Variants in CDC20B observed in about 807,000 individuals in gnomAD.
CDC20B encodes the protein cell division cycle 20B.
Under a neutral mutation model 64.1 loss-of-function variants are expected in CDC20B, and 58 were observed. The ratio of observed to expected loss-of-function variants is 0.90; its 90% CI spans 0.73 to 1.13. The LOEUF (loss-of-function observed/expected upper bound fraction) is 1.13, where lower values mean the gene tolerates loss of function less well. Ranked by LOEUF, CDC20B falls within the 50% of genes most tolerant of loss-of-function variation. CDC20B has a pLI of 0.00. For synonymous variants in CDC20B, 243 were observed against 230.6 expected (o/e 1.05, Z -0.49); for missense variants, 597 against 633.0 (o/e 0.94, Z 0.61).
At chr5:55,163,641 G>A (rs1744211847) in intron 2 of CDC20B, among the ~76,000 whole-genome samples, 1 of 151,402 alleles carries the variant, frequency 6.6e-6, no homozygotes, top group African/African-American at 2.4e-5. Flanking sequence ...CGAGTAGCTG[G>A]GATTACAGGT....
At chr5:55,140,489 C>T (rs1185763129) in intron 4 of CDC20B, 82 bp from the exon 5 acceptor site, 3 of 874,252 alleles carry the variant, frequency 3.4e-6, no homozygotes, top group African/African-American at 3.5e-5. Flanking sequence ...TATAGAATTA[C>T]AACTGGTAAT....
At chr5:55,168,886 G>C (rs1158730122) in intron 2 of CDC20B, among the ~76,000 whole-genome samples, 1 of 152,004 alleles carries the variant, frequency 6.6e-6, no homozygotes, top group Non-Finnish European at 1.5e-5. Flanking sequence ...TTCACTATTT[G>C]GGTGATAGGT....
At chr5:55,145,573 G>A (rs547121407) in intron 3 of CDC20B, among the ~76,000 whole-genome samples, 26 of 152,182 alleles carry the variant, frequency 1.7e-4, no homozygotes, top group African/African-American at 5.3e-4. Flanking sequence ...TTTGTGTTTC[G>A]GGGCTCTGGC....
Position 55,127,344 on chromosome 5 carries a change from T to G in CDC20B, c.902A>C (p.Asp301Ala). 4 of 1,613,720 alleles carry G rather than the reference T, an allele frequency of 2.5e-6. No individual in the cohort carries two copies. The highest frequency in any genetic ancestry group is 3.4e-6 in the Non-Finnish European group (4 of 1,179,636). ...TCTCAGCCGCTTTTTAGTTACCACA[T>G]CCCATAACTGAAAAAATGAACAAGG... The part of the protein sequence containing the change: ...GTSEGEVQLW[D>A]VVTKKRLRNM... The change falls in exon 8 of 12, where the codon GAT becomes GCT. Residue 301 changes from aspartate (D) to alanine (A), a missense_variant. Coordinates refer to ENST00000381375, the MANE Select transcript of CDC20B (RefSeq NM_001170402.1).
intron 2 of CDC20B, among the ~76,000 whole-genome samples, chr5:55,162,951 C>T (rs562548314): frequency 6.6e-6 from 1 of 152,286 alleles, no homozygotes; most frequent in South Asian, 2.1e-4. Context: ...CTCAACCACT[C>T]ATTAGCCACG....
chr5:55,120,057 C>T, intron 10 of CDC20B, 139 bp from the exon 11 acceptor site: 1 of 664,566 alleles, frequency 1.5e-6, no homozygotes, highest in South Asian at 1.9e-5. Flanking sequence ...GAAATTACAA[C>T]CATTCTAGGA....
At position 55,171,797 on chromosome 5, in the gene CDC20B, G is replaced by T. The variant is rs138334673; in HGVS notation, c.126+791C>A. ...TTTGCAGTTTTTTTATAAAGACAAG[G>T]TCTCCCTGTGTTGTCCAGGCTGGTC... On this transcript the variant is annotated intron_variant, in intron 2 of 11. Transcript: ENST00000381375. Among the ~76,000 whole-genome samples the T allele has an allele frequency of 1.2e-4, 19 of 152,160 alleles. No homozygotes were observed. In the East Asian group the frequency reaches 3.3e-3, roughly 26 times the overall value.
At chr5:55,119,529 G>A (rs1742706018) in intron 11 of CDC20B, among the ~76,000 whole-genome samples, 1 of 152,054 alleles carries the variant, frequency 6.6e-6, no homozygotes, top group African/African-American at 2.4e-5. Context: ...ATGCTAACTC[G>A]AGTTCAAAAA....
chr5:55,117,220 T>C (rs1417091069), intron 11 of CDC20B, among the ~76,000 whole-genome samples: 3 of 152,150 alleles, frequency 2.0e-5, no homozygotes, highest in Non-Finnish European at 4.4e-5. Flanking sequence ...CTTTCTTCTG[T>C]AGTCAGGTGG....
At chr5:55,160,048 C>A in intron 2 of CDC20B, 1 of 609,588 alleles carries the variant, frequency 1.6e-6, no homozygotes, top group Non-Finnish European at 2.9e-6. Flanking sequence ...GCTTCATTTC[C>A]CCTCTGAGAA....
intron 2 of CDC20B, among the ~76,000 whole-genome samples, chr5:55,170,976 C>T (rs1251351602): frequency 6.6e-6 from 1 of 152,102 alleles, no homozygotes; most frequent in Non-Finnish European, 1.5e-5. Context: ...AAATTAAATG[C>T]TTGGATAAAA....
intron 5 of CDC20B, chr5:55,137,456 G>C: frequency 4.6e-6 from 2 of 438,322 alleles, no homozygotes; most frequent in Admixed American, 4.8e-5. Context: ...GATAACATTT[G>C]TCCCCGTGAT....
chr5:55,124,851 A>C lies in CDC20B; in HGVS notation c.1167T>G (p.Ser389Arg). The change falls in exon 9 of 12, where the codon AGT (serine) becomes AGG (arginine). Residue 389 changes from serine (S) to arginine (R), a missense_variant. By Grantham distance (110) the Ser-to-Arg change is moderately radical. Transcript: ENST00000381375. Reference protein sequence around the residue: ...LTIWPHDPGASAQGQPLKVIT... With the variant: ...LTIWPHDPGARAQGQPLKVIT... ...TGACTTTCAGCGGTTGGCCCTGTGC[A>C]CTGGCACCTGGATCGTGGGGCCATA... 6.2e-7 allele frequency: 1 copy of C among 1,614,202 alleles called. No individual in the cohort carries two copies. The highest frequency in any genetic ancestry group is 8.5e-7 in the Non-Finnish European group (1 of 1,180,010).
chr5:55,134,489 A>G (rs1329505413), intron 5 of CDC20B, among the ~76,000 whole-genome samples: 2 of 152,206 alleles, frequency 1.3e-5, no homozygotes, highest in Non-Finnish European at 2.9e-5. Flanking sequence ...GGGGCTGGGC[A>G]CGGTGGCTCA....
At chr5:55,150,401 C>T (rs992286876) in intron 2 of CDC20B, among the ~76,000 whole-genome samples, 3 of 152,134 alleles carry the variant, frequency 2.0e-5, no homozygotes, top group Non-Finnish European at 4.4e-5. Flanking sequence ...TTTTACTAAG[C>T]GTGTGTGAGG....
rs1277797763 is a variant in CDC20B at position 55,113,787 on chromosome 5, G to A, written c.*431C>T. 6.3e-6 allele frequency: 1 copy of A among 158,658 alleles called. No homozygotes were observed. The highest frequency in any genetic ancestry group is 1.4e-5 in the Non-Finnish European group (1 of 72,284). The allele number at this position is 158,658 out of a possible 1,614,324, so 9.8% of individuals were successfully genotyped here. On this transcript the variant is annotated 3_prime_UTR_variant, in exon 12 of 12. Coordinates refer to ENST00000381375, the MANE Select transcript of CDC20B (RefSeq NM_001170402.1). Reference sequence around the variant, plus strand: ...AGTGTTTTTCAAGTGAATGAGTTGTGTTTTCAATGTGTTGAGATTGAGCTA... The same window carrying A: ...AGTGTTTTTCAAGTGAATGAGTTGTATTTTCAATGTGTTGAGATTGAGCTA...
intron 2 of CDC20B, among the ~76,000 whole-genome samples, chr5:55,158,836 C>T (rs1388295704): frequency 6.6e-6 from 1 of 152,130 alleles, no homozygotes; most frequent in East Asian, 1.9e-4. Context: ...AGTTAGGCCC[C>T]CTGTGCCAGG....
At chr5:55,167,465 G>A (rs928507016) in intron 2 of CDC20B, among the ~76,000 whole-genome samples, 11 of 152,270 alleles carry the variant, frequency 7.2e-5, no homozygotes, top group African/African-American at 2.6e-4. Context: ...GAGGAATCCT[G>A]ACATACAGCA....
intron 2 of CDC20B, chr5:55,164,013 G>T (rs1052468662): frequency 1.4e-6 from 2 of 1,410,560 alleles, no homozygotes; most frequent in South Asian, 1.5e-5. Context: ...TCTTGACAAA[G>T]AATAAAATTA....
Sources: allele counts gnomAD v4.1 joint callset (sites outside exome capture counted in the v4.1 genomes callset), GRCh38; gene constraint gnomAD v4.1.1; transcripts MANE v1.5; gene names NCBI Gene and HGNC (gene_info 2026-07-23, HGNC 2026-07-21).